The following KSR1 variants were observed in gnomAD, a reference collection of about 807,000 sequenced individuals.
KSR1 encodes kinase suppressor of ras.
In KSR1, 35 loss-of-function variants were observed where a neutral mutation model predicts 92.9. The observed-to-expected ratio is 0.38, with a 90% CI of 0.29 to 0.50. The LOEUF (loss-of-function observed/expected upper bound fraction) is 0.50. Among genes scored for constraint, KSR1 ranks in the 20% least tolerant of loss-of-function variants. The pLI is 0.94. For missense variants in KSR1, 972 were observed against 1,158.5 expected, an observed-to-expected ratio of 0.84 and a Z score of 2.34; for synonymous variants, 467 against 472.6, an observed-to-expected ratio of 0.99 and a Z score of 0.15.
chr17:27,552,315 C>T (rs1257886414), intron 2 of KSR1, among the ~76,000 whole-genome samples: 2 of 152,140 alleles, frequency 1.3e-5, no homozygotes, highest in Non-Finnish European at 2.9e-5. Context: ...CACAAAATCC[C>T]CATTGAGTGT....
At position 27,582,843 on chromosome 17, in the gene KSR1, A is replaced by AC; in HGVS notation, c.723dup (p.Ser242GlnfsTer4). The stretch of plus-strand genomic sequence containing the variant: ...AGCTCTGCCCGCCTCAGACTCCCCC[A>AC]CCCCCAGCTTCAGTGAGGGCCTCTC... On this transcript the variant is annotated frameshift_variant, in exon 4 of 21. Transcript: ENST00000644974. LOFTEE classifies it high-confidence loss of function. The AC allele has an allele frequency of 6.2e-7, 1 of 1,604,868 alleles. No individual in the cohort carries two copies. Among genetic ancestry groups the AC allele is most frequent in the Non-Finnish European group, 8.5e-7 (1 of 1,176,846 alleles).
intron 6 of KSR1, among the ~76,000 whole-genome samples, chr17:27,589,269 G>C (rs545325788): frequency 8.9e-4 from 136 of 152,276 alleles, no homozygotes; most frequent in Admixed American, 1.4e-3. Flanking sequence ...TCTTACAGCT[G>C]GTAGTAGGCA....
In KSR1 at chr17:27,577,970, C is replaced by CCAGCCCT; in HGVS notation, c.520+333_520+339dup. On this transcript the variant is annotated intron_variant, in intron 3 of 20. Coordinates refer to ENST00000644974, the MANE Select transcript of KSR1 (RefSeq NM_001394583.1). This position sits in a 1 kb window ranked among gnomAD's most constrained non-coding sequence, Gnocchi z 4.5. ...CTGCCAGCTTCCCACATTCCAGCCC[C>CCAGCCCT]CAGCCCTCTCCCCGTCTTCTCCTGT... 3 of 432,108 alleles carry CCAGCCCT rather than the reference C, an allele frequency of 6.9e-6. No individual in the cohort carries two copies. Among genetic ancestry groups the CCAGCCCT allele is most frequent in the Non-Finnish European group, 8.7e-6 (2 of 230,554 alleles). The allele number at this position is 432,108 out of a possible 1,614,324, so 26.8% of individuals were successfully genotyped here.
chr17:27,527,625 C>G (rs921891670), intron 1 of KSR1, among the ~76,000 whole-genome samples: 1 of 152,124 alleles, frequency 6.6e-6, no homozygotes, highest in Non-Finnish European at 1.5e-5. Context: ...GAACTCCTGA[C>G]CTCAAGTGAT....
chr17:27,595,695 C>T (rs1261490410), intron 9 of KSR1, among the ~76,000 whole-genome samples: 2 of 143,652 alleles, frequency 1.4e-5, no homozygotes, highest in African/African-American at 2.6e-5. Flanking sequence ...CTGCCCCCCA[C>T]ATTCTCCCTT....
intron 1 of KSR1, among the ~76,000 whole-genome samples, chr17:27,484,960 G>A (rs115684239): frequency 2.6e-5 from 4 of 152,338 alleles, no homozygotes; most frequent in African/African-American, 7.2e-5. Flanking sequence ...TCCCCACGGA[G>A]TTGGGGATGG....
At chr17:27,545,595 A>T (rs1053980520) in intron 1 of KSR1, among the ~76,000 whole-genome samples, 3 of 152,232 alleles carry the variant, frequency 2.0e-5, no homozygotes, top group Non-Finnish European at 4.4e-5. Flanking sequence ...GTGACCAAGA[A>T]CACCAGCTGG....
chr17:27,484,144 C>A (rs968389747), intron 1 of KSR1, among the ~76,000 whole-genome samples: 10 of 152,274 alleles, frequency 6.6e-5, no homozygotes, highest in African/African-American at 2.4e-4. Context: ...CTTGGTCAGT[C>A]CCAGTGTTGG....
At chr17:27,532,680 A>G (rs1204722580) in intron 1 of KSR1, among the ~76,000 whole-genome samples, 1 of 152,110 alleles carries the variant, frequency 6.6e-6, no homozygotes, top group Non-Finnish European at 1.5e-5. Flanking sequence ...CTGTGCTAGG[A>G]AAGAGGTTGG....
At chr17:27,597,594 G>T (rs1195963510) in intron 10 of KSR1, among the ~76,000 whole-genome samples, 158 bp downstream of exon 10, 1 of 152,230 alleles carries the variant, frequency 6.6e-6, no homozygotes, top group Non-Finnish European at 1.5e-5. Flanking sequence ...TAGCTCTGAG[G>T]TTGATGCTGT....
intron 20 of KSR1, among the ~76,000 whole-genome samples, chr17:27,621,648 G>A (rs1020872726): frequency 4.6e-5 from 7 of 152,158 alleles, no homozygotes; most frequent in South Asian, 2.1e-4. Flanking sequence ...GATTTTACTC[G>A]TCAAGGGCTA....
At chr17:27,598,600 C>T (rs1180741137) in intron 10 of KSR1, among the ~76,000 whole-genome samples, 4 of 152,234 alleles carry the variant, frequency 2.6e-5, no homozygotes, top group Non-Finnish European at 5.9e-5. Flanking sequence ...GATTAACCTC[C>T]TCTCCCATTC....
At chr17:27,555,385 T>C (rs2071552242) in intron 2 of KSR1, among the ~76,000 whole-genome samples, 1 of 152,234 alleles carries the variant, frequency 6.6e-6, no homozygotes, top group South Asian at 2.1e-4. Flanking sequence ...CTTTTACACA[T>C]TGGGTTCTAA....
At chr17:27,486,974 C>T (rs1038056325) in intron 1 of KSR1, among the ~76,000 whole-genome samples, 10 of 152,322 alleles carry the variant, frequency 6.6e-5, no homozygotes, top group African/African-American at 2.2e-4. Flanking sequence ...GATGCTGAAA[C>T]ACACTGGAGA....
intron 16 of KSR1, among the ~76,000 whole-genome samples, chr17:27,609,540 C>G (rs1049586970): frequency 5.9e-5 from 9 of 152,244 alleles, no homozygotes; most frequent in Non-Finnish European, 1.3e-4. Context: ...AAACCAGGTC[C>G]CCACACTCAC....
intron 9 of KSR1, 126 bp downstream of exon 9, chr17:27,592,752 A>C (rs1470461580): frequency 5.4e-6 from 4 of 745,242 alleles, no homozygotes; most frequent in Non-Finnish European, 8.6e-6. Flanking sequence ...TTGTGGCCAG[A>C]GGGTGGCCTT....
At chr17:27,569,438 G>T (rs2072218978) in intron 2 of KSR1, among the ~76,000 whole-genome samples, 1 of 152,242 alleles carries the variant, frequency 6.6e-6, no homozygotes, top group Non-Finnish European at 1.5e-5. Flanking sequence ...AGGTGGGGAG[G>T]TGGGAAAGGA....
At chr17:27,489,765 T>TGGG (rs139697880) in intron 1 of KSR1, among the ~76,000 whole-genome samples, 1 of 151,706 alleles carries the variant, frequency 6.6e-6, no homozygotes, top group Non-Finnish European at 1.5e-5. Flanking sequence ...GGCTGTGAAA[T>TGGG]GAGACCAGAT....
intron 4 of KSR1, among the ~76,000 whole-genome samples, chr17:27,584,201 C>T (rs1292684950): frequency 1.4e-4 from 21 of 152,142 alleles, no homozygotes; most frequent in Admixed American, 1.2e-3. Context: ...CCCTTTCCTA[C>T]GCTTGATCTT....
Sources: allele counts gnomAD v4.1 joint callset (sites outside exome capture counted in the v4.1 genomes callset), GRCh38; gene constraint gnomAD v4.1.1; non-coding constraint Gnocchi (gnomAD v3.1); transcripts MANE v1.5; gene names NCBI Gene and HGNC (gene_info 2026-07-23, HGNC 2026-07-21).